Variants in PRH1 observed in about 807,000 individuals in gnomAD.
PRH1 encodes proline rich protein HaeIII subfamily 1, also known as salivary acidic proline-rich phosphoprotein 1/2.
PRH1 carries 7 observed loss-of-function variants against 7.9 expected under a neutral mutation model. That is an observed-to-expected ratio of 0.89 (90% CI 0.50 to 1.67). The LOEUF is 1.67. PRH1 is among the 40% of genes most tolerant of loss of function. The pLI, the probability that PRH1 is intolerant of heterozygous loss-of-function variation, is 0.00. For synonymous variants in PRH1, 45 were observed against 80.8 expected, an observed-to-expected ratio of 0.56 and a Z score of 2.38; for missense variants, 109 against 223.6, an observed-to-expected ratio of 0.49 and a Z score of 3.27.
chr12:10,942,207 G>A (rs1026864041), intron 2 of PRH1, among the ~76,000 whole-genome samples: 1 of 152,146 alleles, frequency 6.6e-6, no homozygotes, highest in African/African-American at 2.4e-5. Context: ...CTCCTACCAG[G>A]AGGTAGTTCT....
intron 1 of PRH1, among the ~76,000 whole-genome samples, chr12:11,033,777 T>G (rs1034858214): frequency 3.3e-5 from 5 of 152,252 alleles, no homozygotes; most frequent in African/African-American, 1.2e-4. Context: ...AGACGAGTAA[T>G]AATAATTTCT....
chr12:11,144,753 A>T (rs1946814576), intron 1 of PRH1, among the ~76,000 whole-genome samples: 1 of 152,154 alleles, frequency 6.6e-6, no homozygotes, highest in African/African-American at 2.4e-5. Flanking sequence ...GGACCCAGTG[A>T]GCTCCCAGGG....
chr12:11,016,514 T>C (rs1163125762), intron 1 of PRH1, among the ~76,000 whole-genome samples: 1 of 152,306 alleles, frequency 6.6e-6, no homozygotes, highest in Non-Finnish European at 1.5e-5. Context: ...TTCTGTTTTT[T>C]AGTTTTTGTA....
chr12:11,079,790 A>C (rs1442546013), intron 1 of PRH1, among the ~76,000 whole-genome samples: 1 of 116,836 alleles, frequency 8.6e-6, no homozygotes. Flanking sequence ...GAAAGGTGCA[A>C]CTAAAATCAG....
chr12:10,986,878 G>T, intron 1 of PRH1: 2 of 1,464,798 alleles, frequency 1.4e-6, no homozygotes, highest in Non-Finnish European at 1.8e-6. Flanking sequence ...CAGAAAAAAA[G>T]AAAGAAAATG....
chr12:11,124,129 G>A (rs1228371282), intron 1 of PRH1, among the ~76,000 whole-genome samples: 1 of 147,998 alleles, frequency 6.8e-6, no homozygotes, highest in African/African-American at 2.5e-5. Context: ...TGGGATAGTA[G>A]CTTGTCTTGC....
intron 1 of PRH1, among the ~76,000 whole-genome samples, chr12:11,076,271 ACAC>A (rs1159800477): frequency 3.4e-5 from 4 of 117,966 alleles, no homozygotes; most frequent in Non-Finnish European, 8.1e-5. Flanking sequence ...TTCACCATTT[ACAC>A]CATTATAATA....
At chr12:11,021,871 A>C in intron 1 of PRH1, 1 of 1,614,226 alleles carries the variant, frequency 6.2e-7, no homozygotes, top group Non-Finnish European at 8.5e-7. Flanking sequence ...TAACATGAGG[A>C]AGGAGGTCAC....
rs1945009176 is a variant in PRH1, at chr12:11,093,948, G to A, written n.124-46760C>T. Among the ~76,000 whole-genome samples, 3 of 114,122 alleles carry A rather than the reference G, an allele frequency of 2.6e-5. 1 individual carries two copies. The highest frequency in any genetic ancestry group is 8.9e-5 in the African/African-American group (3 of 33,788). 74.9% of individuals were successfully genotyped at this position (114,122 alleles called of 152,430 possible). A position where few individuals can be genotyped will look rare whatever the true frequency, so the allele number is the denominator to read the frequency against. On this transcript the variant is annotated intron_variant and non_coding_transcript_variant, in intron 1 of 4. Coordinates refer to the PRH1 transcript ENST00000541977. ...AGTCAGATTGCCGCCACCTGATCCA[G>A]ACTAAATTGGCAAAACTCTAACGTC...
At chr12:11,018,867 G>A (rs74859428) in intron 1 of PRH1, among the ~76,000 whole-genome samples, 6 of 151,628 alleles carry the variant, frequency 4.0e-5, no homozygotes, top group South Asian at 2.1e-4. Flanking sequence ...GAGATCCCTC[G>A]TGGAGCACAT....
In PRH1 at chr12:10,883,047, T is replaced by A; in HGVS notation, c.100+14A>T. ...AATGGAGACAGAGTTTACTGAGAAT[T>A]TATTGGGATTTACCTGATATTACGA... On this transcript the variant is annotated intron_variant, in intron 2 of 3. Transcript: ENST00000543626. 2.5e-6 allele frequency: 4 copies of A among 1,609,582 alleles called. No individual in the cohort carries two copies. The highest frequency in any genetic ancestry group is 3.4e-6 in the Non-Finnish European group (4 of 1,175,842).
intron 2 of PRH1, among the ~76,000 whole-genome samples, chr12:10,907,619 C>T (rs966893581): frequency 7.2e-5 from 11 of 151,774 alleles, no homozygotes; most frequent in African/African-American, 2.2e-4. Context: ...TTACCAAAAG[C>T]AGATAAGTAG....
chr12:10,946,882 A>C (rs553346089), intron 2 of PRH1, among the ~76,000 whole-genome samples: 1 of 151,642 alleles, frequency 6.6e-6, no homozygotes, highest in African/African-American at 2.4e-5. Flanking sequence ...TTCAGACTTA[A>C]ATTTATCTAA....
intron 2 of PRH1, chr12:10,930,404 T>A: frequency 6.6e-7 from 1 of 1,513,488 alleles, no homozygotes; most frequent in Non-Finnish European, 9.2e-7. Context: ...AGGAATTGGC[T>A]AATATCAGTG....
At chr12:11,019,737 ACTT>A (rs1168275734) in intron 1 of PRH1, among the ~76,000 whole-genome samples, 1 of 152,288 alleles carries the variant, frequency 6.6e-6, no homozygotes, top group African/African-American at 2.4e-5. Flanking sequence ...TTTTATTTTT[ACTT>A]CTTTTGAGTT....
intron 2 of PRH1, among the ~76,000 whole-genome samples, chr12:10,919,897 T>A (rs7953670): frequency 0.76 from 113,413 of 149,730 alleles, 43,031 homozygotes; most frequent in Middle Eastern, 0.8. Context: ...ATTAAAAAAA[T>A]TTTTTTAATC....
At chr12:10,914,169 A>G (rs1338862551) in intron 2 of PRH1, among the ~76,000 whole-genome samples, 1 of 152,220 alleles carries the variant, frequency 6.6e-6, no homozygotes, top group Admixed American at 6.5e-5. Flanking sequence ...TGGGAGGTAA[A>G]TCACATATTT....
chr12:10,928,584 G>A (rs1225116504), intron 2 of PRH1, among the ~76,000 whole-genome samples: 1 of 152,164 alleles, frequency 6.6e-6, no homozygotes, highest in Non-Finnish European at 1.5e-5. Context: ...GTATTGTACA[G>A]CACCAACGCT....
At chr12:10,891,512 GC>G (rs1327561881) in intron 2 of PRH1, 1 of 152,182 alleles carries the variant, frequency 6.6e-6, no homozygotes, top group Non-Finnish European at 1.5e-5. Flanking sequence ...CAACATGTTA[GC>G]TACCAGTTCC....
Sources: allele counts gnomAD v4.1 joint callset (sites outside exome capture counted in the v4.1 genomes callset), GRCh38; gene constraint gnomAD v4.1.1; transcripts MANE v1.5; gene names NCBI Gene and HGNC (gene_info 2026-07-23, HGNC 2026-07-21).